HECW1: variants seen among roughly 807,000 people sequenced by gnomAD.
HECW1 encodes the protein HECT, C2 and WW domain containing E3 ubiquitin protein ligase 1, also known as E3 ubiquitin-protein ligase HECW1.
In HECW1, 61 loss-of-function variants were observed where a neutral mutation model predicts 182.3. The ratio of observed to expected loss-of-function variants is 0.33; its 90% CI spans 0.27 to 0.41. The LOEUF (loss-of-function observed/expected upper bound fraction) is 0.41. Ranked by LOEUF, HECW1 falls within the 10% of genes least tolerant of loss-of-function variation. HECW1 has a pLI of 1.00. For synonymous variants in HECW1, 859 were observed against 832.6 expected (o/e 1.03, Z -0.55); for missense variants, 1,739 against 2,108.9 (o/e 0.82, Z 3.44).
intron 4 of HECW1, among the ~76,000 whole-genome samples, chr7:43,317,809 T>G (rs986233567): frequency 4.9e-5 from 7 of 142,510 alleles, no homozygotes; most frequent in Non-Finnish European, 1.1e-4. Context: ...TTTCTCATTA[T>G]TGTGTGTGTG....
At chr7:43,416,801 T>G (rs570955680) in intron 8 of HECW1, among the ~76,000 whole-genome samples, 21 of 148,460 alleles carry the variant, frequency 1.4e-4, no homozygotes, top group Non-Finnish European at 2.7e-4. Context: ...TCCAGGTGCG[T>G]CCGTCACCCC....
intron 29 of HECW1, among the ~76,000 whole-genome samples, chr7:43,556,523 CAAAAAATTT>C (rs1016879661): frequency 6.6e-6 from 1 of 151,896 alleles, no homozygotes; most frequent in African/African-American, 2.4e-5. Flanking sequence ...CTCGTCTCTA[CAAAAAATTT>C]AAAAAATTAG....
chr7:43,114,426 T>A, intron 2 of HECW1, 35 bp downstream of exon 2: 1 of 1,329,618 alleles, frequency 7.5e-7, no homozygotes, highest in East Asian at 4.0e-5. Context: ...CATTTAAAAA[T>A]GTGTGTTTTC....
At chr7:43,411,356 T>C (rs544073320) in intron 8 of HECW1, among the ~76,000 whole-genome samples, 1 of 152,274 alleles carries the variant, frequency 6.6e-6, no homozygotes, top group Admixed American at 6.5e-5. Context: ...CTCTATATGA[T>C]TGCAATCTAT....
intron 3 of HECW1, among the ~76,000 whole-genome samples, chr7:43,298,810 C>T (rs564689135): frequency 6.6e-6 from 1 of 152,210 alleles, no homozygotes; most frequent in African/African-American, 2.4e-5. Flanking sequence ...CCACTTACCA[C>T]GAGGTGCAGG....
intron 5 of HECW1, among the ~76,000 whole-genome samples, chr7:43,351,001 A>G (rs1275334604): frequency 6.6e-5 from 10 of 152,208 alleles, no homozygotes; most frequent in Admixed American, 2.6e-4. Flanking sequence ...GGTAGGCTCT[A>G]TCAGAGGGAA....
chr7:43,192,054 G>A (rs1276233218), intron 2 of HECW1, among the ~76,000 whole-genome samples: 1 of 151,740 alleles, frequency 6.6e-6, no homozygotes, highest in Non-Finnish European at 1.5e-5. Flanking sequence ...CCGCCTCCTG[G>A]GTTCAAGCGA....
chr7:43,365,697 G>A (rs993878946), intron 6 of HECW1, among the ~76,000 whole-genome samples: 2 of 152,154 alleles, frequency 1.3e-5, no homozygotes, highest in African/African-American at 2.4e-5. Flanking sequence ...AGTAAACATA[G>A]GAAGGTCCTC....
intron 19 of HECW1, among the ~76,000 whole-genome samples, chr7:43,499,069 C>G (rs1269045900): frequency 4.6e-5 from 7 of 151,656 alleles, no homozygotes; most frequent in Admixed American, 3.9e-4. Flanking sequence ...TCTCTTGAGC[C>G]CAGGAGTTCA....
At chr7:43,269,022 G>A (rs955405413) in intron 3 of HECW1, among the ~76,000 whole-genome samples, 3 of 152,014 alleles carry the variant, frequency 2.0e-5, no homozygotes, top group Non-Finnish European at 2.9e-5. Context: ...AGTAAACAGT[G>A]CCACCCTCTA....
At chr7:43,138,155 C>T (rs1787773317) in intron 2 of HECW1, among the ~76,000 whole-genome samples, 1 of 152,166 alleles carries the variant, frequency 6.6e-6, no homozygotes. Context: ...TAATAACCCT[C>T]CAACTGGGAG....
chr7:43,454,920 G>C (rs1368035036), intron 12 of HECW1, among the ~76,000 whole-genome samples: 1 of 152,096 alleles, frequency 6.6e-6, no homozygotes, highest in Non-Finnish European at 1.5e-5. Context: ...TGCATTTTCA[G>C]CATAACTTTA....
At chr7:43,364,163 GA>G in intron 6 of HECW1, among the ~76,000 whole-genome samples, 1 of 152,170 alleles carries the variant, frequency 6.6e-6, no homozygotes, top group East Asian at 1.9e-4. Flanking sequence ...ACCATTCTTT[GA>G]AAAGGAGGAA....
chr7:43,561,962 T>G lies in HECW1; in HGVS notation c.*36T>G. Reference sequence around the variant, plus strand: ...CCTCGCCTGACATTTTCCTGGCCAGTGACATCACCCTTCCTGGGATGATCC... The same window carrying G: ...CCTCGCCTGACATTTTCCTGGCCAGGGACATCACCCTTCCTGGGATGATCC... On this transcript the variant is annotated 3_prime_UTR_variant, in exon 30 of 30. Coordinates refer to ENST00000395891, the MANE Select transcript of HECW1 (RefSeq NM_015052.5). 3.4e-6 allele frequency: 4 copies of G among 1,170,238 alleles called. No homozygotes were observed. The highest frequency in any genetic ancestry group is 2.3e-5 in the East Asian group (1 of 42,794). The allele number at this position is 1,170,238 out of a possible 1,614,324, so 72.5% of individuals were successfully genotyped here. A position where few individuals can be genotyped will look rare whatever the true frequency, so the allele number is the denominator to read the frequency against.
At chr7:43,409,522 C>T (rs771761496) in intron 8 of HECW1, among the ~76,000 whole-genome samples, 5 of 152,138 alleles carry the variant, frequency 3.3e-5, no homozygotes, top group African/African-American at 4.8e-5. Context: ...TGGCTAAAAA[C>T]GTCAACTAGA....
intron 3 of HECW1, among the ~76,000 whole-genome samples, chr7:43,309,267 A>G (rs1199593803): frequency 6.6e-6 from 1 of 152,122 alleles, no homozygotes; most frequent in African/African-American, 2.4e-5. Context: ...TGCAAGTAGG[A>G]ATGGGGAGGA....
chr7:43,506,970 T>C (rs2079602712), intron 21 of HECW1, among the ~76,000 whole-genome samples, 167 bp from the exon 22 acceptor site: 1 of 152,100 alleles, frequency 6.6e-6, no homozygotes, highest in South Asian at 2.1e-4. Context: ...CTCGGGAGGC[T>C]GAAGTAGCAG....
intron 13 of HECW1, among the ~76,000 whole-genome samples, chr7:43,456,723 A>C (rs1224644958): frequency 6.6e-6 from 1 of 152,220 alleles, no homozygotes; most frequent in Non-Finnish European, 1.5e-5. Context: ...ACCAAGGGCC[A>C]GTGTATGCCC....
Position 43,355,645 on chromosome 7 carries a change from A to G in HECW1, c.461-5241A>G, listed in dbSNP as rs148714919. Among the ~76,000 whole-genome samples the G allele has an allele frequency of 9.8e-5, 15 of 152,310 alleles. No individual in the cohort carries two copies. The East Asian group carries it at 2.5e-3, about 25-fold the overall frequency. ...AAAAAACATACTACCAGAGAAAATA[A>G]CTTAACCACAAAGGAAGATAGGAAA... On this transcript the variant is annotated intron_variant, in intron 5 of 29. Coordinates refer to ENST00000395891, the MANE Select transcript of HECW1 (RefSeq NM_015052.5).
Sources: gnomAD v4.1 joint callset for allele counts (sites outside exome capture counted in the v4.1 genomes callset) on GRCh38, gnomAD v4.1.1 for gene constraint, MANE v1.5 for transcripts, NCBI Gene and HGNC (gene_info 2026-07-23, HGNC 2026-07-21) for gene names.